The following KCNK13 variants were observed in gnomAD, a reference collection of about 807,000 sequenced individuals.
KCNK13 encodes potassium channel subfamily K member 13.
KCNK13 carries 12 observed loss-of-function variants against 23.4 expected under a neutral mutation model. The observed-to-expected ratio is 0.51, with a 90% CI of 0.33 to 0.83. The LOEUF is 0.83. Ranked by LOEUF, KCNK13 falls within the 40% of genes least tolerant of loss-of-function variation. The probability of loss-of-function intolerance (pLI) is 0.02; values close to 1 mark genes in which losing one functional copy is unlikely to be tolerated. For missense variants in KCNK13, 463 were observed against 556.3 expected, an observed-to-expected ratio of 0.83 and a Z score of 1.69; for synonymous variants, 231 against 229.5, an observed-to-expected ratio of 1.01 and a Z score of -0.06.
intron 1 of KCNK13, among the ~76,000 whole-genome samples, chr14:90,127,590 A>C (rs1389306968): frequency 1.3e-5 from 2 of 149,752 alleles, no homozygotes; most frequent in Non-Finnish European, 3.0e-5. Flanking sequence ...AGGCAGGAGG[A>C]TTGCTTGAAT....
chr14:90,135,493 T>C (rs1889924734), intron 1 of KCNK13, among the ~76,000 whole-genome samples: 1 of 152,216 alleles, frequency 6.6e-6, no homozygotes, highest in Non-Finnish European at 1.5e-5. Context: ...TTGTTTTCTG[T>C]TTGATGGCCA....
chr14:90,182,825 T>TA (rs11298963), intron 1 of KCNK13, among the ~76,000 whole-genome samples: 4,589 of 142,254 alleles, frequency 0.032, 125 homozygotes, highest in Admixed American at 0.1. Flanking sequence ...CCCATCTCTT[T>TA]AAAAAAAAAA....
chr14:90,118,812 A>G (rs1596785919), intron 1 of KCNK13, among the ~76,000 whole-genome samples: 1 of 152,304 alleles, frequency 6.6e-6, no homozygotes, highest in East Asian at 1.9e-4. Context: ...GGAGGAAAGT[A>G]GAGGCATGAA....
At chr14:90,069,496 A>G (rs1596763704) in intron 1 of KCNK13, among the ~76,000 whole-genome samples, 2 of 150,646 alleles carry the variant, frequency 1.3e-5, no homozygotes, top group South Asian at 4.2e-4. Flanking sequence ...GTGTAAATCC[A>G]TGTGGTGCTG....
intron 1 of KCNK13, among the ~76,000 whole-genome samples, chr14:90,101,791 A>AAAAAAAAAAAAAAC (rs1889482040): frequency 2.0e-5 from 1 of 51,082 alleles, no homozygotes; most frequent in Non-Finnish European, 3.6e-5. Flanking sequence ...CTCCGTCTCC[A>AAAAAAAAAAAAAAC]AAAAAAAAAA....
At chr14:90,095,625 GT>G (rs564220482) in intron 1 of KCNK13, among the ~76,000 whole-genome samples, 4 of 150,632 alleles carry the variant, frequency 2.7e-5, no homozygotes, top group African/African-American at 4.9e-5. Context: ...AACTTAAGCT[GT>G]TTTTTTTTCT....
At chr14:90,161,065 A>G (rs975404129) in intron 1 of KCNK13, among the ~76,000 whole-genome samples, 8 of 152,186 alleles carry the variant, frequency 5.3e-5, no homozygotes, top group Admixed American at 3.9e-4. Flanking sequence ...GGATGGATAA[A>G]TGGATAAACA....
chr14:90,103,043 G>A (rs1889500665), intron 1 of KCNK13, among the ~76,000 whole-genome samples: 1 of 152,150 alleles, frequency 6.6e-6, no homozygotes, highest in Non-Finnish European at 1.5e-5. Flanking sequence ...TTGGCTTTCT[G>A]TTCCTGTGTT....
At chr14:90,174,681 TC>T (rs1362601226) in intron 1 of KCNK13, among the ~76,000 whole-genome samples, 3 of 152,026 alleles carry the variant, frequency 2.0e-5, no homozygotes, top group African/African-American at 7.3e-5. Flanking sequence ...TAGTGAGACT[TC>T]ATCTCTACAA....
chr14:90,169,587 A>C (rs1340924215), intron 1 of KCNK13, among the ~76,000 whole-genome samples: 1 of 152,168 alleles, frequency 6.6e-6, no homozygotes, highest in Non-Finnish European at 1.5e-5. Flanking sequence ...TCATATGGTA[A>C]ACGTTTATCT....
At chr14:90,118,181 G>A (rs1203453826) in intron 1 of KCNK13, among the ~76,000 whole-genome samples, 1 of 152,254 alleles carries the variant, frequency 6.6e-6, no homozygotes, top group African/African-American at 2.4e-5. Context: ...TGAAGGCACC[G>A]TTACCCATCA....
intron 1 of KCNK13, among the ~76,000 whole-genome samples, chr14:90,168,440 G>T (rs1018923207): frequency 1.3e-5 from 2 of 151,734 alleles, no homozygotes; most frequent in Non-Finnish European, 2.9e-5. Context: ...GCTGGGTTTT[G>T]TTGGGGAATA....
chr14:90,155,023 C>G (rs1263789875), intron 1 of KCNK13, among the ~76,000 whole-genome samples: 1 of 152,116 alleles, frequency 6.6e-6, no homozygotes, highest in Non-Finnish European at 1.5e-5. Flanking sequence ...GTGGAACATA[C>G]ATTCTAATAG....
intron 1 of KCNK13, among the ~76,000 whole-genome samples, chr14:90,181,175 ATAGT>A (rs1200526029): frequency 3.3e-5 from 5 of 152,224 alleles, no homozygotes; most frequent in South Asian, 2.1e-4. Flanking sequence ...TGTTTTGTAG[ATAGT>A]TAGTCTCAGC....
intron 1 of KCNK13, among the ~76,000 whole-genome samples, chr14:90,123,499 C>T (rs1302402441): frequency 6.6e-6 from 1 of 152,152 alleles, no homozygotes; most frequent in East Asian, 1.9e-4. Context: ...TCTCCAAATA[C>T]AGTCACATTC....
chr14:90,103,466 T>C (rs1720158080), intron 1 of KCNK13, among the ~76,000 whole-genome samples: 1 of 152,190 alleles, frequency 6.6e-6, no homozygotes, highest in South Asian at 2.1e-4. Flanking sequence ...CAATCTGAGT[T>C]ATTTTATCTA....
At position 90,133,255 on chromosome 14, in the gene KCNK13, T is replaced by G. The variant is rs540455396; in HGVS notation, c.335-50856T>G. On this transcript the variant is annotated intron_variant, in intron 1 of 1. Coordinates refer to ENST00000282146, the MANE Select transcript of KCNK13 (RefSeq NM_022054.4). ...AATCAGGCACAGACCTCAAAAACAT[T>G]ATGCTGAGTGAAAGAAACCAGTTGC... Among the ~76,000 whole-genome samples the G allele has an allele frequency of 6.0e-4, 92 of 152,234 alleles. 1 individual carries two copies. Among genetic ancestry groups the G allele is most frequent in the African/African-American group, 2.1e-3 (89 of 41,534 alleles).
intron 1 of KCNK13, among the ~76,000 whole-genome samples, chr14:90,139,612 T>G (rs1002835035): frequency 6.6e-6 from 1 of 152,116 alleles, no homozygotes; most frequent in African/African-American, 2.4e-5. Context: ...ACATTAACAA[T>G]TTACTCTGAC....
chr14:90,169,385 C>A (rs1162054329), intron 1 of KCNK13, among the ~76,000 whole-genome samples: 2 of 152,164 alleles, frequency 1.3e-5, no homozygotes, highest in African/African-American at 4.8e-5. Context: ...AGGTTTGAAA[C>A]TCCTGGAGGG....
Sources: gnomAD v4.1 joint callset for allele counts (sites outside exome capture counted in the v4.1 genomes callset) on GRCh38, gnomAD v4.1.1 for gene constraint, MANE v1.5 for transcripts, NCBI Gene and HGNC (gene_info 2026-07-23, HGNC 2026-07-21) for gene names.